Variants in DAPK1 observed in about 807,000 individuals in gnomAD.
The protein encoded by DAPK1 is death-associated protein kinase 1.
Under a neutral mutation model 144.9 loss-of-function variants are expected in DAPK1, and 56 were observed. The observed-to-expected ratio is 0.39, with a 90% CI of 0.31 to 0.48. DAPK1 has a LOEUF of 0.48. DAPK1 is among the 20% of genes least tolerant of loss of function. DAPK1 has a pLI of 0.95. For missense variants in DAPK1, 1,454 were observed against 1,875.4 expected (o/e 0.78, Z 4.15); for synonymous variants, 690 against 749.0 (o/e 0.92, Z 1.29).
chr9:87,676,326 C>G (rs1824377641), intron 19 of DAPK1, among the ~76,000 whole-genome samples: 1 of 152,366 alleles, frequency 6.6e-6, no homozygotes, highest in East Asian at 1.9e-4. Flanking sequence ...TGGCCTGGAG[C>G]CCTCTCTGAG....
At chr9:87,581,887 A>T (rs1827763387) in intron 2 of DAPK1, among the ~76,000 whole-genome samples, 1 of 152,074 alleles carries the variant, frequency 6.6e-6, no homozygotes, top group South Asian at 2.1e-4. Flanking sequence ...ATTCCCACTC[A>T]TTTTCTTTAA....
intron 2 of DAPK1, among the ~76,000 whole-genome samples, chr9:87,597,154 A>G (rs945498464): frequency 6.6e-6 from 1 of 152,198 alleles, no homozygotes. Flanking sequence ...CTTCTGCCAC[A>G]TTCTGTGGGT....
chr9:87,569,033 C>G (rs1055202382), intron 2 of DAPK1, among the ~76,000 whole-genome samples: 4 of 147,596 alleles, frequency 2.7e-5, no homozygotes, highest in African/African-American at 9.9e-5. Context: ...AGAGGAAATT[C>G]TCCAGGTCAC....
chr9:87,562,480 G>A (rs1826965660), intron 2 of DAPK1, among the ~76,000 whole-genome samples: 1 of 152,170 alleles, frequency 6.6e-6, no homozygotes, highest in South Asian at 2.1e-4. Flanking sequence ...GAAGTCACAT[G>A]GCCACACTCA....
At chr9:87,588,903 G>C (rs1339514119) in intron 2 of DAPK1, among the ~76,000 whole-genome samples, 3 of 151,690 alleles carry the variant, frequency 2.0e-5, no homozygotes, top group African/African-American at 7.3e-5. Context: ...GGGGCGGGGG[G>C]AGCAGACAGA....
chr9:87,518,099 GTTGTTGTTTTTTT>G (rs1825136386), intron 2 of DAPK1, among the ~76,000 whole-genome samples: 1 of 126,046 alleles, frequency 7.9e-6, no homozygotes. Flanking sequence ...TGCCGTTTAT[GTTGTTGTTTTTTT>G]TTTTTTTTTT....
At chr9:87,557,936 G>A (rs1240671571) in intron 2 of DAPK1, among the ~76,000 whole-genome samples, 6 of 151,674 alleles carry the variant, frequency 4.0e-5, no homozygotes, top group South Asian at 4.1e-4. Flanking sequence ...GTGAGACTCC[G>A]TCTGAAGACA....
intron 17 of DAPK1, among the ~76,000 whole-genome samples, chr9:87,652,529 G>C (rs56063679): frequency 0.2 from 9,984 of 51,044 alleles, 8 homozygotes; most frequent in East Asian, 0.29. Flanking sequence ...CTGTGTCCAT[G>C]CCCCCGATCC....
At chr9:87,594,801 G>A (rs958049035) in intron 2 of DAPK1, among the ~76,000 whole-genome samples, 8 of 152,216 alleles carry the variant, frequency 5.3e-5, no homozygotes, top group Admixed American at 4.6e-4. Context: ...TTTGCCTGTG[G>A]CCTCTAGGCA....
intron 19 of DAPK1, among the ~76,000 whole-genome samples, chr9:87,670,105 C>T (rs1489378142): frequency 6.6e-6 from 1 of 152,088 alleles, no homozygotes; most frequent in East Asian, 1.9e-4. Flanking sequence ...CACTCTGTAC[C>T]ATTATGGACT....
intron 2 of DAPK1, among the ~76,000 whole-genome samples, chr9:87,595,065 G>C (rs1191567772): frequency 6.6e-6 from 1 of 152,228 alleles, no homozygotes; most frequent in Admixed American, 6.5e-5. Flanking sequence ...AAAGGAAACA[G>C]TGAATATAGA....
Position 87,678,013 on chromosome 9 carries a change from AG to A in DAPK1, c.2002-3389del, listed in dbSNP as rs540781792. Among the ~76,000 whole-genome samples the A allele has an allele frequency of 1.1e-4, 17 of 152,288 alleles. No homozygotes were observed. In the East Asian group the frequency reaches 3.1e-3, roughly 28 times the overall value. ...ATCTGTCCAGCTTTTTTGCTGATTC[AG>A]GTAATCAGTCAGGGACATTGCTATC... On this transcript the variant is annotated intron_variant, in intron 19 of 25. Transcript: ENST00000408954.
chr9:87,707,647 C>CT lies in DAPK1; in HGVS notation c.*284dup. The CT allele has an allele frequency of 3.9e-6, 2 of 515,458 alleles. No homozygotes were observed. The highest frequency in any genetic ancestry group is 7.0e-6 in the Non-Finnish European group (2 of 286,334). 31.9% of individuals were successfully genotyped at this position (515,458 alleles called of 1,614,324 possible). A position where few individuals can be genotyped will look rare whatever the true frequency, so the allele number is the denominator to read the frequency against. Reference sequence around the variant, plus strand: ...CCTCTCAGTGTTTTGGACTCCATCTCTCATCCTCCAGTACCTTGCTTCTTA... The same window carrying CT: ...CCTCTCAGTGTTTTGGACTCCATCTCTTCATCCTCCAGTACCTTGCTTCTTA... On this transcript the variant is annotated 3_prime_UTR_variant, in exon 26 of 26. Transcript: ENST00000408954. This position sits in a 1 kb window ranked among gnomAD's most constrained non-coding sequence, Gnocchi z 4.0.
chr9:87,639,274 TGGAGAG>T, intron 4 of DAPK1, 74 bp from the exon 5 acceptor site: 3 of 1,259,318 alleles, frequency 2.4e-6, no homozygotes, highest in South Asian at 1.8e-5. Context: ...TTTTTTTTTT[TGGAGAG>T]AAGAACTATT....
intron 2 of DAPK1, among the ~76,000 whole-genome samples, chr9:87,519,793 G>T (rs1433956028): frequency 6.6e-6 from 1 of 152,062 alleles, no homozygotes; most frequent in Admixed American, 6.5e-5. Flanking sequence ...CATTGTTTCT[G>T]CACAGTTGTA....
intron 2 of DAPK1, among the ~76,000 whole-genome samples, chr9:87,526,249 AACT>A (rs1825504303): frequency 6.6e-6 from 1 of 152,144 alleles, no homozygotes; most frequent in South Asian, 2.1e-4. Flanking sequence ...ATAGTCATGG[AACT>A]ACTACTGCAA....
intron 23 of DAPK1, 120 bp from the exon 24 acceptor site, chr9:87,699,997 A>C (rs1458288480): frequency 5.2e-6 from 4 of 774,454 alleles, no homozygotes; most frequent in Non-Finnish European, 8.7e-6. Context: ...GGCCTTTGCA[A>C]GGACACCAGA....
intron 3 of DAPK1, among the ~76,000 whole-genome samples, chr9:87,617,732 A>G (rs895204006): frequency 1.3e-5 from 2 of 152,178 alleles, no homozygotes; most frequent in African/African-American, 4.8e-5. Context: ...GGAGCCCTAC[A>G]GTTGCTTCTC....
intron 3 of DAPK1, among the ~76,000 whole-genome samples, chr9:87,620,944 C>G (rs1306684768): frequency 6.6e-6 from 1 of 152,150 alleles, no homozygotes. Context: ...TCTCCAAAGC[C>G]TGGGCTGAAG....
Sources: gnomAD v4.1 joint callset for allele counts (sites outside exome capture counted in the v4.1 genomes callset) on GRCh38, gnomAD v4.1.1 for gene constraint, Gnocchi (gnomAD v3.1) non-coding constraint, MANE v1.5 for transcripts, NCBI Gene and HGNC (gene_info 2026-07-23, HGNC 2026-07-21) for gene names.